KLHL29: variants seen among roughly 807,000 people sequenced by gnomAD.
KLHL29 encodes kelch-like protein 29.
A neutral mutation model predicts 80.4 loss-of-function variants in KLHL29; 21 were observed. The ratio of observed to expected loss-of-function variants is 0.26; its 90% CI spans 0.19 to 0.38. The LOEUF is 0.38. KLHL29 is among the 10% of genes least tolerant of loss of function. The pLI, the probability that KLHL29 is intolerant of heterozygous loss-of-function variation, is 1.00. For synonymous variants in KLHL29, 511 were observed against 526.8 expected, an observed-to-expected ratio of 0.97 and a Z score of 0.41; for missense variants, 867 against 1,223.9, an observed-to-expected ratio of 0.71 and a Z score of 4.35.
At chr2:23,478,148 T>A (rs144863741) in intron 2 of KLHL29, among the ~76,000 whole-genome samples, 1 of 152,286 alleles carries the variant, frequency 6.6e-6, no homozygotes, top group African/African-American at 2.4e-5. Context: ...TCCTGGAGGA[T>A]GGGAATCATA....
At chr2:23,646,793 G>A (rs913819978) in intron 5 of KLHL29, among the ~76,000 whole-genome samples, 3 of 152,166 alleles carry the variant, frequency 2.0e-5, no homozygotes, top group African/African-American at 7.2e-5. Context: ...ATACTTTGAG[G>A]CACAGGGAAT....
chr2:23,497,933 G>T (rs1353051828), intron 2 of KLHL29, among the ~76,000 whole-genome samples: 1 of 152,170 alleles, frequency 6.6e-6, no homozygotes, highest in Non-Finnish European at 1.5e-5. Context: ...ACTACGGGAA[G>T]GGCTGACTCA....
intron 1 of KLHL29, among the ~76,000 whole-genome samples, chr2:23,453,621 C>A (rs767129095): frequency 6.6e-6 from 1 of 152,142 alleles, no homozygotes; most frequent in Non-Finnish European, 1.5e-5. Context: ...CTCTGGGCAC[C>A]CTGAGAAATG....
At chr2:23,629,777 A>C (rs544139012) in intron 3 of KLHL29, among the ~76,000 whole-genome samples, 1 of 152,236 alleles carries the variant, frequency 6.6e-6, no homozygotes, top group Non-Finnish European at 1.5e-5. Context: ...GCTGGGTTCT[A>C]TCAAAGGCAT....
At chr2:23,566,966 C>T (rs188536898) in intron 3 of KLHL29, among the ~76,000 whole-genome samples, 1 of 152,250 alleles carries the variant, frequency 6.6e-6, no homozygotes, top group East Asian at 1.9e-4. Flanking sequence ...ATTGGCCTGT[C>T]CCCATCCCCT....
At chr2:23,673,645 C>A (rs535754891) in intron 5 of KLHL29, among the ~76,000 whole-genome samples, 4 of 150,554 alleles carry the variant, frequency 2.7e-5, no homozygotes, top group Admixed American at 2.6e-4. Flanking sequence ...TACACACACA[C>A]CCCTACACAG....
chr2:23,411,379 TTGTGTGTGTGTGTG>T lies in KLHL29; in HGVS notation c.-154+25632_-154+25645del, dbSNP rs56103621. Among the ~76,000 whole-genome samples, 363 of 109,026 alleles carry T rather than the reference TTGTGTGTGTGTGTG, an allele frequency of 3.3e-3. 11 individuals are homozygous for T. In the East Asian group the frequency reaches 0.069, roughly 21 times the overall value. The allele number at this position is 109,026 out of a possible 152,430, so 71.5% of individuals were successfully genotyped here. A position where few individuals can be genotyped will look rare whatever the true frequency, so the allele number is the denominator to read the frequency against. On this transcript the variant is annotated intron_variant, in intron 1 of 13. Coordinates refer to ENST00000486442, the MANE Select transcript of KLHL29 (RefSeq NM_052920.2). ...ATATTGGGTATGTATGTTGCAAAAA[TTGTGTGTGTGTGTG>T]TGTGTGTGTGTGTGTGTGTGTGTGT...
intron 1 of KLHL29, among the ~76,000 whole-genome samples, chr2:23,390,950 A>AT (rs1666306802): frequency 1.3e-5 from 2 of 152,078 alleles, no homozygotes; most frequent in South Asian, 4.1e-4. Flanking sequence ...CACCTTTACC[A>AT]TTTTTAACTG....
chr2:23,665,020 G>T (rs111981390), intron 5 of KLHL29, among the ~76,000 whole-genome samples: 5 of 152,364 alleles, frequency 3.3e-5, no homozygotes, highest in African/African-American at 1.2e-4. Flanking sequence ...TGCTCTCCAC[G>T]GCCTGGGCCT....
chr2:23,486,792 C>T (rs1664942078), intron 2 of KLHL29, among the ~76,000 whole-genome samples: 1 of 152,200 alleles, frequency 6.6e-6, no homozygotes, highest in Admixed American at 6.5e-5. Flanking sequence ...CCTTAGGGCC[C>T]TGCTCAGGCC....
intron 1 of KLHL29, among the ~76,000 whole-genome samples, chr2:23,394,262 A>G (rs1666394099): frequency 6.6e-6 from 1 of 152,188 alleles, no homozygotes; most frequent in Admixed American, 6.5e-5. Flanking sequence ...TTCTGGATCA[A>G]ACCTGCAGCT....
intron 3 of KLHL29, among the ~76,000 whole-genome samples, chr2:23,626,630 TC>T (rs1220104793): frequency 6.6e-6 from 1 of 152,178 alleles, no homozygotes; most frequent in Non-Finnish European, 1.5e-5. Flanking sequence ...TATCTGTGTC[TC>T]CAGAACAGGA....
intron 4 of KLHL29, among the ~76,000 whole-genome samples, chr2:23,640,095 A>C (rs978726701): frequency 6.6e-6 from 1 of 152,132 alleles, no homozygotes; most frequent in Non-Finnish European, 1.5e-5. Flanking sequence ...ATGCCCCAGC[A>C]GCTACGGTTA....
chr2:23,502,248 C>G (rs1347265003), intron 2 of KLHL29, among the ~76,000 whole-genome samples: 2 of 152,182 alleles, frequency 1.3e-5, no homozygotes, highest in Non-Finnish European at 2.9e-5. Flanking sequence ...GCAATTGTGC[C>G]CGCCGAGCAG....
At chr2:23,665,567 G>A (rs1369642361) in intron 5 of KLHL29, among the ~76,000 whole-genome samples, 2 of 152,184 alleles carry the variant, frequency 1.3e-5, no homozygotes, top group Non-Finnish European at 2.9e-5. Context: ...CTAAGGCTGG[G>A]TAATTTATAA....
intron 2 of KLHL29, among the ~76,000 whole-genome samples, chr2:23,485,893 T>C (rs1489370844): frequency 1.3e-5 from 2 of 152,236 alleles, no homozygotes; most frequent in Non-Finnish European, 2.9e-5. Flanking sequence ...CCTAGAATAG[T>C]GCGTAAGACA....
In KLHL29 at chr2:23,589,040, C is replaced by T. The variant is rs141068192; in HGVS notation, c.285+26559C>T. On this transcript the variant is annotated intron_variant, in intron 3 of 13. Coordinates refer to ENST00000486442, the MANE Select transcript of KLHL29 (RefSeq NM_052920.2). ...GTCTCCTGGTTACACGTGTGTTCCTCGAGCCCCAGGATGCGTCTTATTCAT... is the reference window on the plus strand; with the variant it reads ...GTCTCCTGGTTACACGTGTGTTCCTTGAGCCCCAGGATGCGTCTTATTCAT... 7.8e-3 allele frequency among the ~76,000 whole-genome samples: 1,181 copies of T among 152,376 alleles called. 3 individuals carry two copies. The highest frequency in any genetic ancestry group is 0.013 in the Non-Finnish European group (862 of 68,046).
At chr2:23,504,335 T>C (rs1003973934) in intron 2 of KLHL29, among the ~76,000 whole-genome samples, 1 of 152,186 alleles carries the variant, frequency 6.6e-6, no homozygotes, top group Admixed American at 6.5e-5. Flanking sequence ...CCACCAGCCT[T>C]AGCATTCCGG....
intron 3 of KLHL29, among the ~76,000 whole-genome samples, chr2:23,607,006 A>G (rs1426785520): frequency 1.3e-5 from 2 of 152,216 alleles, no homozygotes; most frequent in African/African-American, 4.8e-5. Context: ...CCATGGTGGA[A>G]GGGGCAAGCT....
Sources: allele counts gnomAD v4.1 joint callset (sites outside exome capture counted in the v4.1 genomes callset), GRCh38; gene constraint gnomAD v4.1.1; transcripts MANE v1.5; gene names NCBI Gene and HGNC (gene_info 2026-07-23, HGNC 2026-07-21).